Variants in DYNLRB1 observed in about 807,000 individuals in gnomAD.
The protein encoded by DYNLRB1 is ROBL/LC7-like 1.
DYNLRB1 carries 6 observed loss-of-function variants against 13.5 expected under a neutral mutation model. The observed-to-expected ratio is 0.44, with a 90% CI of 0.24 to 0.88. The LOEUF (loss-of-function observed/expected upper bound fraction) is 0.88. Among genes scored for constraint, DYNLRB1 ranks in the 40% least tolerant of loss-of-function variants. The pLI is 0.21. For synonymous variants in DYNLRB1, 43 were observed against 45.0 expected, an observed-to-expected ratio of 0.96 and a Z score of 0.18; for missense variants, 93 against 127.2, an observed-to-expected ratio of 0.73 and a Z score of 1.29.
chr20:34,540,875 C>G lies in DYNLRB1; in HGVS notation c.*251C>G. The G allele has an allele frequency of 2.2e-6, 1 of 462,646 alleles. No individual in the cohort carries two copies. The highest frequency in any genetic ancestry group is 3.8e-6 in the Non-Finnish European group (1 of 263,774). The allele number at this position is 462,646 out of a possible 1,614,324, so 28.7% of individuals were successfully genotyped here. A position where few individuals can be genotyped will look rare whatever the true frequency, so the allele number is the denominator to read the frequency against. ...AGCAAGAGCTTGCAGGAAGCCCGCA[C>G]CCAGCTTCCTTCTGACCTTCAGTTC... is the stretch of plus-strand genomic sequence containing the variant. On this transcript the variant is annotated 3_prime_UTR_variant, in exon 4 of 4. Coordinates refer to ENST00000357156, the MANE Select transcript of DYNLRB1 (RefSeq NM_014183.4).
chr20:34,533,547 G>A (rs899828979), intron 2 of DYNLRB1: 3 of 985,196 alleles, frequency 3.0e-6, no homozygotes, highest in Admixed American at 6.1e-5. Flanking sequence ...GTGGCCGGGC[G>A]CGGTGGCTCA....
At chr20:34,527,970 A>G (rs2146632885) in intron 2 of DYNLRB1, among the ~76,000 whole-genome samples, 1 of 152,304 alleles carries the variant, frequency 6.6e-6, no homozygotes, top group African/African-American at 2.4e-5. Flanking sequence ...TCATGTTTCT[A>G]CATTGGTTTT....
At chr20:34,533,218 C>T (rs771370090) in intron 2 of DYNLRB1, among the ~76,000 whole-genome samples, 5 of 152,196 alleles carry the variant, frequency 3.3e-5, no homozygotes, top group African/African-American at 7.2e-5. Flanking sequence ...GCTTGGTATA[C>T]GGTGATGTTC....
In DYNLRB1 at chr20:34,529,724, G is replaced by A. The variant is rs148810711; in HGVS notation, c.79+3381G>A. On this transcript the variant is annotated intron_variant, in intron 2 of 3. Coordinates refer to ENST00000357156, the MANE Select transcript of DYNLRB1 (RefSeq NM_014183.4). ...AGCCTGGACGACAAGAATGAAACTCGGTCTCAAAAAAAAAAAAAAAATGTT... is the reference window on the plus strand; with the variant it reads ...AGCCTGGACGACAAGAATGAAACTCAGTCTCAAAAAAAAAAAAAAAATGTT... The A allele has an allele frequency of 2.1e-3, 1,733 of 827,734 alleles. 28 individuals carry two copies. In the African/African-American group the frequency reaches 0.028, roughly 13 times the overall value. The allele number at this position is 827,734 out of a possible 1,614,324, so 51.3% of individuals were successfully genotyped here. A position where few individuals can be genotyped will look rare whatever the true frequency, so the allele number is the denominator to read the frequency against.
chr20:34,516,888 C>CT, intron 1 of DYNLRB1: 1 of 1,489,742 alleles, frequency 6.7e-7, no homozygotes, highest in Non-Finnish European at 9.0e-7. Flanking sequence ...TAGATACAAT[C>CT]TTTAGTCCCA....
Position 34,540,770 on chromosome 20 carries a change from C to A in DYNLRB1, c.*146C>A. ...GACCGTGTGTGGGCTGGCGGCTCTT[C>A]TCCCCCACCAACGGAACCCCTGTGT... On this transcript the variant is annotated 3_prime_UTR_variant, in exon 4 of 4. Transcript: ENST00000357156. 1 of 780,216 alleles carries A rather than the reference C, an allele frequency of 1.3e-6. No individual in the cohort carries two copies. The highest frequency in any genetic ancestry group is 2.8e-5 in the East Asian group (1 of 35,182). 48.3% of individuals were successfully genotyped at this position (780,216 alleles called of 1,614,324 possible).
intron 3 of DYNLRB1, 120 bp from the exon 4 acceptor site, chr20:34,540,461 T>G: frequency 1.1e-6 from 1 of 923,288 alleles, no homozygotes; most frequent in Non-Finnish European, 1.6e-6. Flanking sequence ...CGTTGATGCT[T>G]TTTGTTGCTT....
Position 34,516,441 on chromosome 20 carries a change from C to G in DYNLRB1, c.-18C>G. ...CTCGCTAAGTGTTCGCTACGCGGGG[C>G]TACCGGATCGGTCGGAAATGGTGAG... On this transcript the variant is annotated 5_prime_UTR_variant, in exon 1 of 4. Transcript: ENST00000357156. 6.2e-7 allele frequency: 1 copy of G among 1,613,350 alleles called. No individual in the cohort carries two copies. The highest frequency in any genetic ancestry group is 8.5e-7 in the Non-Finnish European group (1 of 1,179,602).
chr20:34,534,189 GTC>G (rs1980939705), intron 2 of DYNLRB1, among the ~76,000 whole-genome samples: 3 of 152,220 alleles, frequency 2.0e-5, no homozygotes, highest in South Asian at 4.1e-4. Flanking sequence ...ATGAATGAGA[GTC>G]TCTCTTTTTT....
chr20:34,529,820 C>G (rs1398230429), intron 2 of DYNLRB1: 5 of 1,466,488 alleles, frequency 3.4e-6, no homozygotes, highest in Non-Finnish European at 4.5e-6. Flanking sequence ...CTGTCTAGTT[C>G]TGATTAAACC....
intron 2 of DYNLRB1, chr20:34,529,913 C>A: frequency 6.6e-7 from 1 of 1,504,364 alleles, no homozygotes. Flanking sequence ...AGGGCTGCCC[C>A]TGATCAGTTG....
chr20:34,537,224 C>G (rs934828306), intron 3 of DYNLRB1, among the ~76,000 whole-genome samples: 1 of 152,214 alleles, frequency 6.6e-6, no homozygotes, highest in African/African-American at 2.4e-5. Flanking sequence ...CTCTCTCCCA[C>G]ACACATGCGG....
intron 3 of DYNLRB1, among the ~76,000 whole-genome samples, chr20:34,539,183 C>A (rs1401756017): frequency 1.3e-5 from 2 of 152,212 alleles, no homozygotes; most frequent in African/African-American, 4.8e-5. Flanking sequence ...TGCAACAATA[C>A]CACTTCTCCA....
intron 2 of DYNLRB1, 141 bp downstream of exon 2, chr20:34,526,484 T>TG: frequency 5.7e-6 from 3 of 526,030 alleles, no homozygotes; most frequent in African/African-American, 2.1e-5. Flanking sequence ...CCTCCAGTGT[T>TG]CTTTTTTTTT....
At chr20:34,529,585 C>T (rs1980534858) in intron 2 of DYNLRB1, among the ~76,000 whole-genome samples, 1 of 152,064 alleles carries the variant, frequency 6.6e-6, no homozygotes, top group South Asian at 2.1e-4. Context: ...AAAAATTAGC[C>T]TGGTGTGGTG....
Position 34,540,575 on chromosome 20 carries a change from T to C in DYNLRB1, c.248-6T>C, listed in dbSNP as rs368827291. The C allele has an allele frequency of 5.0e-5, 80 of 1,613,038 alleles. No individual in the cohort carries two copies. The highest frequency in any genetic ancestry group is 6.7e-5 in the Non-Finnish European group (79 of 1,179,554). On this transcript the variant is annotated splice_region_variant and splice_polypyrimidine_tract_variant and intron_variant, in intron 3 of 3. Coordinates refer to ENST00000357156, the MANE Select transcript of DYNLRB1 (RefSeq NM_014183.4). ...AGTGATTTTTTTTCATTTTTCTCTT[T>C]TGCAGATAAAGACTATTTCCTGATT...
intron 2 of DYNLRB1, among the ~76,000 whole-genome samples, chr20:34,529,669 C>G (rs1184545045): frequency 6.7e-6 from 1 of 148,898 alleles, no homozygotes; most frequent in African/African-American, 2.5e-5. Context: ...GCAGAGGTTG[C>G]AATGAGCCGA....
At chr20:34,528,310 T>TG in intron 2 of DYNLRB1, among the ~76,000 whole-genome samples, 1 of 50,988 alleles carries the variant, frequency 2.0e-5, no homozygotes, top group Non-Finnish European at 3.8e-5. Context: ...AGACTCCGTC[T>TG]CAAAAAAAAA....
At chr20:34,520,605 G>A (rs1468005522) in intron 1 of DYNLRB1, among the ~76,000 whole-genome samples, 5 of 151,724 alleles carry the variant, frequency 3.3e-5, no homozygotes, top group South Asian at 2.1e-4. Flanking sequence ...GCATCATGAC[G>A]CCCAGCTAAT....
Sources: allele counts gnomAD v4.1 joint callset (sites outside exome capture counted in the v4.1 genomes callset), GRCh38; gene constraint gnomAD v4.1.1; transcripts MANE v1.5; gene names NCBI Gene and HGNC (gene_info 2026-07-23, HGNC 2026-07-21).